AGO3: variants seen among roughly 807,000 people sequenced by gnomAD.
The protein encoded by AGO3 is protein argonaute-3.
In AGO3, 16 loss-of-function variants were observed where a neutral mutation model predicts 105.5. The ratio of observed to expected loss-of-function variants is 0.15; its 90% CI spans 0.10 to 0.23. The LOEUF (loss-of-function observed/expected upper bound fraction) is 0.23. Among genes scored for constraint, AGO3 ranks in the 10% least tolerant of loss-of-function variants. The pLI is 1.00. For missense variants in AGO3, 534 were observed against 1,088.0 expected (o/e 0.49, Z 7.16); for synonymous variants, 340 against 367.3 (o/e 0.93, Z 0.85).
At chr1:35,954,849 G>A (rs1475201162) in intron 2 of AGO3, among the ~76,000 whole-genome samples, 1 of 152,172 alleles carries the variant, frequency 6.6e-6, no homozygotes, top group African/African-American at 2.4e-5. Context: ...TATCATAAAA[G>A]GTACAGTAAA....
intron 2 of AGO3, among the ~76,000 whole-genome samples, chr1:35,966,660 G>A (rs1267160080): frequency 6.6e-6 from 1 of 152,156 alleles, no homozygotes; most frequent in Non-Finnish European, 1.5e-5. Context: ...CTTAGAGATG[G>A]TAAAAGAGAT....
chr1:36,036,167 T>C lies in AGO3; in HGVS notation c.1752-10T>C. On this transcript the variant is annotated splice_polypyrimidine_tract_variant and intron_variant, in intron 13 of 18. Transcript: ENST00000373191. ...TGAAATATCTAACCCTTTTTCAAAA[T>C]GTGTTTAAGACCTTCTGTGTTCCAG... The C allele has an allele frequency of 6.2e-7, 1 of 1,612,932 alleles. No individual in the cohort carries two copies. Among genetic ancestry groups the C allele is most frequent in the Non-Finnish European group, 8.5e-7 (1 of 1,179,054 alleles).
intron 12 of AGO3, among the ~76,000 whole-genome samples, chr1:36,031,752 C>T (rs1569870923): frequency 6.6e-6 from 1 of 152,188 alleles, no homozygotes; most frequent in African/African-American, 2.4e-5. Context: ...ATGAATTTGA[C>T]TATTCTAGTT....
At chr1:35,992,000 T>C (rs1043619530) in intron 5 of AGO3, 4 of 152,156 alleles carry the variant, frequency 2.6e-5, no homozygotes, top group South Asian at 4.1e-4. Context: ...AGCCTCATCA[T>C]AGGGTGATTT....
intron 11 of AGO3, among the ~76,000 whole-genome samples, chr1:36,018,190 T>A (rs1641008233): frequency 2.0e-5 from 3 of 151,908 alleles, no homozygotes; most frequent in Admixed American, 2.0e-4. Flanking sequence ...GCCAGGATGG[T>A]CTCCATCTCT....
At chr1:35,982,803 T>G (rs1189309271) in intron 5 of AGO3, 1 of 586,274 alleles carries the variant, frequency 1.7e-6, no homozygotes, top group Non-Finnish European at 3.1e-6. Context: ...AAAAAAAACT[T>G]TGGGTGTAGT....
At chr1:36,015,579 G>A (rs897913516) in intron 11 of AGO3, among the ~76,000 whole-genome samples, 39 of 152,168 alleles carry the variant, frequency 2.6e-4, no homozygotes, top group Non-Finnish European at 4.0e-4. Flanking sequence ...GCTACCAGCC[G>A]TTAGGCAATC....
At chr1:35,972,960 G>A (rs1448545244) in intron 4 of AGO3, among the ~76,000 whole-genome samples, 1 of 143,814 alleles carries the variant, frequency 7.0e-6, no homozygotes, top group African/African-American at 2.6e-5. Context: ...GCCTCCCAAA[G>A]TGCTCGGATT....
At chr1:36,037,604 A>T (rs1642067948) in intron 14 of AGO3, among the ~76,000 whole-genome samples, 1 of 152,198 alleles carries the variant, frequency 6.6e-6, no homozygotes, top group Admixed American at 6.6e-5. Flanking sequence ...TGATAAATCT[A>T]ATTCATCCCT....
upstream of AGO3, chr1:35,930,718 A>T: frequency 6.5e-6 from 1 of 153,834 alleles, no homozygotes; most frequent in Non-Finnish European, 1.4e-5. Flanking sequence ...GCGGGGGCTC[A>T]GGAAGGAGGG....
intron 17 of AGO3, among the ~76,000 whole-genome samples, chr1:36,046,623 T>TTA (rs1361595605): frequency 5.8e-5 from 2 of 34,454 alleles, no homozygotes; most frequent in African/African-American, 2.1e-4. Context: ...AGTCTCTATT[T>TTA]AAAAAAAAAA....
At chr1:36,028,558 C>T (rs1641620418) in intron 12 of AGO3, among the ~76,000 whole-genome samples, 2 of 151,914 alleles carry the variant, frequency 1.3e-5, no homozygotes, top group Non-Finnish European at 2.9e-5. Context: ...ATCCATGTCC[C>T]TACAGAGGAC....
chr1:35,935,694 C>A (rs371702686), intron 1 of AGO3, among the ~76,000 whole-genome samples: 3 of 152,304 alleles, frequency 2.0e-5, no homozygotes, highest in African/African-American at 7.2e-5. Flanking sequence ...GATTTCTTGC[C>A]AAATTGTCTA....
At position 36,014,162 on chromosome 1, in the gene AGO3, C is replaced by G. The variant is rs1640758157; in HGVS notation, c.1406+114C>G. The G allele has an allele frequency of 7.3e-6, 10 of 1,375,164 alleles. No individual in the cohort carries two copies. In the South Asian group the frequency reaches 1.1e-4, roughly 15 times the overall value. 85.2% of individuals were successfully genotyped at this position (1,375,164 alleles called of 1,614,324 possible). ...TATGAAGTATATGTAATCACTGAAC[C>G]ATTTTTTTTTTTTTGAGACAGAGTC... On this transcript the variant is annotated intron_variant, in intron 11 of 18. Coordinates refer to ENST00000373191, the MANE Select transcript of AGO3 (RefSeq NM_024852.4).
intron 17 of AGO3, among the ~76,000 whole-genome samples, chr1:36,050,473 G>A (rs1335544929): frequency 6.6e-6 from 1 of 151,802 alleles, no homozygotes; most frequent in African/African-American, 2.4e-5. Context: ...GCGACAGAGT[G>A]AGACTGTCTC....
At chr1:36,054,866 A>C in intron 17 of AGO3, 80 bp from the exon 18 acceptor site, 1 of 1,379,166 alleles carries the variant, frequency 7.3e-7, no homozygotes, top group Non-Finnish European at 1.0e-6. Context: ...TGGGTGACAG[A>C]GCAAGACTTT....
chr1:36,029,458 G>A (rs139596927), intron 12 of AGO3, among the ~76,000 whole-genome samples: 12,728 of 147,108 alleles, frequency 0.087, 1,891 homozygotes, highest in East Asian at 0.66. Context: ...GCAGTGGTGC[G>A]ATCTCGGCTC....
At chr1:35,979,378 T>C (rs1408206865) in intron 5 of AGO3, among the ~76,000 whole-genome samples, 3 of 151,636 alleles carry the variant, frequency 2.0e-5, no homozygotes, top group African/African-American at 7.3e-5. Flanking sequence ...AAAAAAAATG[T>C]GGTTTGTATT....
At chr1:35,957,262 A>T (rs762950674) in intron 2 of AGO3, among the ~76,000 whole-genome samples, 23 of 152,014 alleles carry the variant, frequency 1.5e-4, no homozygotes, top group Admixed American at 1.5e-3. Context: ...AGGCTGAGGT[A>T]CGAGAATTGC....
Sources: allele counts gnomAD v4.1 joint callset (sites outside exome capture counted in the v4.1 genomes callset), GRCh38; gene constraint gnomAD v4.1.1; transcripts MANE v1.5; gene names NCBI Gene and HGNC (gene_info 2026-07-23, HGNC 2026-07-21).